ANKS1B: variants seen among roughly 807,000 people sequenced by gnomAD.
The protein encoded by ANKS1B is ankyrin repeat and sterile alpha motif domain-containing protein 1B.
Under a neutral mutation model 148.3 loss-of-function variants are expected in ANKS1B, and 36 were observed. The observed-to-expected ratio is 0.24, with a 90% CI of 0.19 to 0.32. The LOEUF is 0.32. Among genes scored for constraint, ANKS1B ranks in the 10% least tolerant of loss-of-function variants. The pLI is 1.00. For synonymous variants in ANKS1B, 542 were observed against 560.8 expected, an observed-to-expected ratio of 0.97 and a Z score of 0.47; for missense variants, 1,157 against 1,542.6, an observed-to-expected ratio of 0.75 and a Z score of 4.19.
At chr12:99,928,085 T>C (rs2094517292) in intron 1 of ANKS1B, among the ~76,000 whole-genome samples, 1 of 151,948 alleles carries the variant, frequency 6.6e-6, no homozygotes, top group Admixed American at 6.6e-5. Flanking sequence ...AATTATGAAG[T>C]AGTTATTCAT....
chr12:99,019,005 T>G (rs1013043644), intron 17 of ANKS1B, among the ~76,000 whole-genome samples: 1 of 152,178 alleles, frequency 6.6e-6, no homozygotes, highest in Non-Finnish European at 1.5e-5. Flanking sequence ...AATAAAGTGT[T>G]GACAAAACTT....
At chr12:99,484,640 T>C (rs2096461753) in intron 10 of ANKS1B, among the ~76,000 whole-genome samples, 1 of 151,876 alleles carries the variant, frequency 6.6e-6, no homozygotes, top group Non-Finnish European at 1.5e-5. Context: ...TTAGGTCTAG[T>C]AGTAATGTTT....
intron 10 of ANKS1B, among the ~76,000 whole-genome samples, chr12:99,467,029 A>C (rs1024666512): frequency 6.6e-6 from 1 of 152,250 alleles, no homozygotes; most frequent in Admixed American, 6.5e-5. Flanking sequence ...ACACTGATGC[A>C]AAAATCCTCA....
chr12:99,741,206 AACACAC>A (rs774613671), intron 8 of ANKS1B, among the ~76,000 whole-genome samples: 99 of 135,358 alleles, frequency 7.3e-4, no homozygotes, highest in South Asian at 6.4e-3. Flanking sequence ...GGCTCCGTCA[AACACAC>A]ACACACACAC....
chr12:99,530,661 G>A (rs772810768), intron 9 of ANKS1B, among the ~76,000 whole-genome samples: 1 of 152,050 alleles, frequency 6.6e-6, no homozygotes, highest in Non-Finnish European at 1.5e-5. Context: ...ACATGGATAT[G>A]TAAAACCTAC....
At chr12:99,310,225 A>G (rs1351441936) in intron 12 of ANKS1B, among the ~76,000 whole-genome samples, 2 of 152,186 alleles carry the variant, frequency 1.3e-5, no homozygotes, top group Admixed American at 6.6e-5. Context: ...TATACCCTGT[A>G]TCATCTTTCA....
At chr12:99,770,365 A>T (rs1038763930) in intron 8 of ANKS1B, among the ~76,000 whole-genome samples, 22 of 152,092 alleles carry the variant, frequency 1.4e-4, no homozygotes, top group Non-Finnish European at 2.6e-4. Flanking sequence ...AAATCCCACA[A>T]CTCAAAACAT....
chr12:98,886,527 T>C (rs1238537436), intron 17 of ANKS1B, among the ~76,000 whole-genome samples: 1 of 152,250 alleles, frequency 6.6e-6, no homozygotes, highest in Non-Finnish European at 1.5e-5. Context: ...GGATAAGTGA[T>C]GTTCCTGAAG....
rs145561291 is a variant in ANKS1B, at chr12:99,911,476, A to G, written c.134+72628T>C. ...AATCTGAGTCTTCAGTCCAAAATAA[A>G]CTTGCCAGAAGAAATGCTTTCTTTA... On this transcript the variant is annotated intron_variant, in intron 1 of 26. Transcript: ENST00000683438. Among the ~76,000 whole-genome samples, 46 of 152,310 alleles carry G rather than the reference A, an allele frequency of 3.0e-4. 1 individual carries two copies. Among genetic ancestry groups the G allele is most frequent in the African/African-American group, 1.0e-3 (42 of 41,574 alleles).
intron 24 of ANKS1B, among the ~76,000 whole-genome samples, chr12:98,778,297 G>A (rs554871932): frequency 1.8e-4 from 27 of 152,232 alleles, no homozygotes; most frequent in African/African-American, 6.3e-4. Flanking sequence ...CCAACATGGC[G>A]AAATCCCATC....
At chr12:99,437,318 C>T (rs1320957314) in intron 11 of ANKS1B, among the ~76,000 whole-genome samples, 2 of 151,924 alleles carry the variant, frequency 1.3e-5, no homozygotes, top group Non-Finnish European at 2.9e-5. Flanking sequence ...CTTTTTAATA[C>T]TATTACATTG....
intron 10 of ANKS1B, among the ~76,000 whole-genome samples, chr12:99,459,366 T>G (rs1485390292): frequency 6.6e-6 from 1 of 152,142 alleles, no homozygotes; most frequent in Admixed American, 6.5e-5. Context: ...GGATGCCCAC[T>G]TTCACCACTT....
chr12:99,502,419 CTATTA>C (rs748687439), intron 10 of ANKS1B, among the ~76,000 whole-genome samples: 1 of 152,128 alleles, frequency 6.6e-6, no homozygotes, highest in Non-Finnish European at 1.5e-5. Flanking sequence ...TTACACTATT[CTATTA>C]TAACATTCTT....
chr12:99,536,550 T>C (rs1218913355), intron 9 of ANKS1B, among the ~76,000 whole-genome samples: 1 of 152,076 alleles, frequency 6.6e-6, no homozygotes, highest in Non-Finnish European at 1.5e-5. Context: ...AATATTTCCA[T>C]AAAGAAAAAA....
At chr12:99,929,135 G>T (rs2153806439) in intron 1 of ANKS1B, among the ~76,000 whole-genome samples, 1 of 152,264 alleles carries the variant, frequency 6.6e-6, no homozygotes, top group Middle Eastern at 3.4e-3. Context: ...TCAGCTCACA[G>T]AACTAATTTT....
intron 12 of ANKS1B, among the ~76,000 whole-genome samples, chr12:99,389,034 T>G (rs1411995325): frequency 6.6e-6 from 1 of 151,978 alleles, no homozygotes; most frequent in Admixed American, 6.6e-5. Flanking sequence ...TCACACACAC[T>G]CAAAAGAAGG....
chr12:98,822,727 G>A (rs1301824698), intron 19 of ANKS1B, among the ~76,000 whole-genome samples: 2 of 152,152 alleles, frequency 1.3e-5, no homozygotes, highest in East Asian at 1.9e-4. Context: ...CAAAACGACT[G>A]GAGGTGTTTA....
At chr12:99,316,629 C>T (rs2084158929) in intron 12 of ANKS1B, among the ~76,000 whole-genome samples, 1 of 151,460 alleles carries the variant, frequency 6.6e-6, no homozygotes, top group African/African-American at 2.4e-5. Flanking sequence ...TTCCTGTTCA[C>T]TCTGATGGTA....
At position 99,627,226 on chromosome 12, in the gene ANKS1B, C is replaced by A. The variant is rs188580485; in HGVS notation, c.1272+27841G>T. Among the ~76,000 whole-genome samples the A allele has an allele frequency of 2.4e-3, 372 of 152,174 alleles. 4 individuals are homozygous for A. The highest frequency in any genetic ancestry group is 8.0e-3 in the African/African-American group (331 of 41,518). Reference sequence around the variant, plus strand: ...AACAACATAACATTTTATTAATACACAATTGAGATGTTCTTTACCTTTTTA... The same window carrying A: ...AACAACATAACATTTTATTAATACAAAATTGAGATGTTCTTTACCTTTTTA... On this transcript the variant is annotated intron_variant, in intron 9 of 26. Coordinates refer to ENST00000683438, the MANE Select transcript of ANKS1B (RefSeq NM_001352186.2).
Sources: gnomAD v4.1 joint callset for allele counts (sites outside exome capture counted in the v4.1 genomes callset) on GRCh38, gnomAD v4.1.1 for gene constraint, MANE v1.5 for transcripts, NCBI Gene and HGNC (gene_info 2026-07-23, HGNC 2026-07-21) for gene names.